The following CCDC12 variants were observed in gnomAD, a reference collection of about 807,000 sequenced individuals.
CCDC12 encodes the protein coiled-coil domain containing 12, also known as coiled-coil domain-containing protein 12.
CCDC12 carries 28 observed loss-of-function variants against 25.7 expected under a neutral mutation model. That is an observed-to-expected ratio of 1.09 (90% CI 0.81 to 1.50). The LOEUF is 1.50. Among genes scored for constraint, CCDC12 ranks in the 40% most tolerant of loss-of-function variants. The probability of loss-of-function intolerance (pLI) is 0.00; values close to 1 mark genes in which losing one functional copy is unlikely to be tolerated. For synonymous variants in CCDC12, 75 were observed against 87.7 expected (o/e 0.86, Z 0.81); for missense variants, 198 against 210.0 (o/e 0.94, Z 0.35).
chr3:46,977,304 C>G (rs1015533856), upstream of CCDC12, among the ~76,000 whole-genome samples: 5 of 152,154 alleles, frequency 3.3e-5, no homozygotes, highest in Non-Finnish European at 5.9e-5. Context: ...GAAACTCCAT[C>G]TCTACTAAAA....
Position 46,973,109 on chromosome 3 carries a change from C to G in CCDC12, c.96+3528G>C, listed in dbSNP as rs539295096. Reference sequence around the variant, plus strand: ...GTGGCTCACGCCTGTAATCCCAGCACTTTGGGAGGCCGAGGTGGGTGGATC... The same window carrying G: ...GTGGCTCACGCCTGTAATCCCAGCAGTTTGGGAGGCCGAGGTGGGTGGATC... On this transcript the variant is annotated intron_variant, in intron 1 of 6. Transcript: ENST00000683445. Among the ~76,000 whole-genome samples the G allele has an allele frequency of 2.2e-4, 33 of 151,130 alleles. No individual in the cohort carries two copies. In the South Asian group the frequency reaches 6.9e-3, roughly 32 times the overall value.
chr3:46,950,149 G>T (rs2034059714), intron 1 of CCDC12, among the ~76,000 whole-genome samples: 3 of 152,090 alleles, frequency 2.0e-5, no homozygotes, highest in Admixed American at 2.0e-4. Flanking sequence ...CCCTCTTAGG[G>T]AACCTGATGC....
At chr3:46,969,566 C>G (rs912033815) in intron 1 of CCDC12, among the ~76,000 whole-genome samples, 1 of 152,188 alleles carries the variant, frequency 6.6e-6, no homozygotes, top group African/African-American at 2.4e-5. Flanking sequence ...TAAATCACAA[C>G]TATACCACTC....
At chr3:46,926,077 C>T (rs1000675521) in intron 2 of CCDC12, among the ~76,000 whole-genome samples, 1 of 152,250 alleles carries the variant, frequency 6.6e-6, no homozygotes, top group Non-Finnish European at 1.5e-5. Flanking sequence ...TACGCCTCAA[C>T]TACTTAGAGA....
intron 1 of CCDC12, among the ~76,000 whole-genome samples, chr3:46,964,298 C>A (rs1353579380): frequency 1.3e-5 from 2 of 150,320 alleles, no homozygotes; most frequent in Admixed American, 6.6e-5. Flanking sequence ...GGTCAGCCCC[C>A]GCCCGGCCAG....
intron 1 of CCDC12, among the ~76,000 whole-genome samples, chr3:46,945,709 T>A (rs941127112): frequency 1.3e-5 from 2 of 152,258 alleles, no homozygotes; most frequent in South Asian, 4.1e-4. Flanking sequence ...AGATTTTCTA[T>A]TTCTTCTCCA....
chr3:46,928,911 G>A (rs147181052), intron 2 of CCDC12, among the ~76,000 whole-genome samples: 3 of 152,240 alleles, frequency 2.0e-5, no homozygotes, highest in Admixed American at 1.3e-4. Flanking sequence ...AGGATTGCTT[G>A]AGCCAGGCGT....
chr3:46,962,976 G>T (rs1427815170), intron 1 of CCDC12, among the ~76,000 whole-genome samples: 1 of 152,172 alleles, frequency 6.6e-6, no homozygotes, highest in Non-Finnish European at 1.5e-5. Flanking sequence ...ATAAAATCTG[G>T]TCTGTTCAAA....
At chr3:46,957,712 T>C (rs540882249) in intron 1 of CCDC12, among the ~76,000 whole-genome samples, 2 of 151,966 alleles carry the variant, frequency 1.3e-5, no homozygotes, top group Admixed American at 1.3e-4. Context: ...GAGGCCAAGG[T>C]GGGTGGATCA....
chr3:46,972,375 AT>A (rs1314671120), intron 1 of CCDC12, among the ~76,000 whole-genome samples: 1 of 152,236 alleles, frequency 6.6e-6, no homozygotes, highest in Non-Finnish European at 1.5e-5. Flanking sequence ...ATGGGAAAAA[AT>A]ATCACTAATC....
chr3:46,940,508 A>G (rs2033657506), intron 2 of CCDC12: 1 of 161,040 alleles, frequency 6.2e-6, no homozygotes, highest in Non-Finnish European at 1.4e-5. Context: ...TATAGGAGAG[A>G]TGAGAAGGAC....
chr3:46,931,460 G>T (rs560506809), intron 2 of CCDC12, among the ~76,000 whole-genome samples: 4 of 152,176 alleles, frequency 2.6e-5, no homozygotes, highest in Non-Finnish European at 5.9e-5. Flanking sequence ...TGGCAAACTG[G>T]CCTCAAAGCC....
upstream of CCDC12, among the ~76,000 whole-genome samples, chr3:46,980,825 C>T (rs1003621352): frequency 2.0e-5 from 3 of 152,318 alleles, no homozygotes; most frequent in South Asian, 2.1e-4. Context: ...ACTCCCCTCC[C>T]CTTCACCCAG....
chr3:46,953,725 T>C (rs1452823743), intron 1 of CCDC12, among the ~76,000 whole-genome samples: 1 of 151,894 alleles, frequency 6.6e-6, no homozygotes. Flanking sequence ...AGCGTCCCTC[T>C]GCAGCCTGGG....
At chr3:46,955,598 C>T (rs2034266040) in intron 1 of CCDC12, among the ~76,000 whole-genome samples, 1 of 152,130 alleles carries the variant, frequency 6.6e-6, no homozygotes, top group African/African-American at 2.4e-5. Context: ...GTGGTGATAT[C>T]CAAGGGCACT....
intron 2 of CCDC12, among the ~76,000 whole-genome samples, chr3:46,935,466 C>G (rs2033405374): frequency 6.6e-6 from 1 of 151,988 alleles, no homozygotes; most frequent in Non-Finnish European, 1.5e-5. Flanking sequence ...TGGCACATAT[C>G]AGCCAACCTC....
At chr3:46,976,193 G>GGAGTA (rs2034981605) in intron 1 of CCDC12, 1 of 485,902 alleles carries the variant, frequency 2.1e-6, no homozygotes, top group African/African-American at 2.1e-5. Flanking sequence ...ACCCACTGCT[G>GGAGTA]TCACTTGCTG....
chr3:46,976,200 G>T, intron 1 of CCDC12: 3 of 551,962 alleles, frequency 5.4e-6, no homozygotes, highest in Non-Finnish European at 2.4e-6. Context: ...GCTGTCACTT[G>T]CTGCCCTGTC....
intron 2 of CCDC12, among the ~76,000 whole-genome samples, chr3:46,926,976 T>TAGCAAGCGGC (rs1467938902): frequency 1.3e-5 from 2 of 152,222 alleles, no homozygotes; most frequent in African/African-American, 4.8e-5. Context: ...GCTACACAGC[T>TAGCAAGCGGC]AGCAAGCGGC....
Sources: gnomAD v4.1 joint callset for allele counts (sites outside exome capture counted in the v4.1 genomes callset) on GRCh38, gnomAD v4.1.1 for gene constraint, MANE v1.5 for transcripts, NCBI Gene and HGNC (gene_info 2026-07-23, HGNC 2026-07-21) for gene names.